RBFOX1: variants seen among roughly 807,000 people sequenced by gnomAD.
RBFOX1 encodes the protein RNA binding protein fox-1 homolog 1.
RBFOX1 carries 8 observed loss-of-function variants against 57.7 expected under a neutral mutation model. That is an observed-to-expected ratio of 0.14 (90% confidence interval 0.08 to 0.25). The LOEUF (loss-of-function observed/expected upper bound fraction) is 0.25. Among genes scored for constraint, RBFOX1 ranks in the 10% least tolerant of loss-of-function variants. The pLI is 1.00. For synonymous variants in RBFOX1, 326 were observed against 222.4 expected, an observed-to-expected ratio of 1.47 and a Z score of -4.15; for missense variants, 611 against 548.5, an observed-to-expected ratio of 1.11 and a Z score of -1.14.
rs990803048 is a variant in RBFOX1, at chr16:6,768,161, C to T, written c.-16+113511C>T. On this transcript the variant is annotated intron_variant, in intron 3 of 15. Transcript: ENST00000550418. The stretch of plus-strand genomic sequence containing the variant: ...GCAGTGAGCAGAGATTGTAACACTG[C>T]ACTTCAGCCTGGGCAATAGAGCTAG... Among the ~76,000 whole-genome samples the T allele has an allele frequency of 3.9e-5, 6 of 152,022 alleles. No homozygotes were observed. In the South Asian group the frequency reaches 1.0e-3, roughly 26 times the overall value.
At chr16:6,549,655 C>T (rs1003762618) in intron 2 of RBFOX1, among the ~76,000 whole-genome samples, 1 of 151,942 alleles carries the variant, frequency 6.6e-6, no homozygotes, top group African/African-American at 2.4e-5. Context: ...AGTCATGTGC[C>T]TACTTCTGAG....
At chr16:6,780,954 C>G (rs1299835599) in intron 3 of RBFOX1, among the ~76,000 whole-genome samples, 3 of 152,174 alleles carry the variant, frequency 2.0e-5, no homozygotes, top group Middle Eastern at 3.4e-3. Context: ...TGTCTTATCA[C>G]TTGTTTGTGG....
At chr16:7,190,905 G>A (rs559457490) in intron 4 of RBFOX1, among the ~76,000 whole-genome samples, 1 of 152,234 alleles carries the variant, frequency 6.6e-6, no homozygotes, top group South Asian at 2.1e-4. Context: ...AATCATGAAG[G>A]AAGCATATTT....
intron 4 of RBFOX1, among the ~76,000 whole-genome samples, chr16:7,302,800 C>T (rs560182587): frequency 2.1e-5 from 3 of 145,616 alleles, no homozygotes; most frequent in South Asian, 2.1e-4. Context: ...TATTTTCTTT[C>T]GATTTGCAGA....
intron 3 of RBFOX1, among the ~76,000 whole-genome samples, chr16:6,668,975 GTTAA>G (rs2098748607): frequency 6.6e-6 from 1 of 152,152 alleles, no homozygotes; most frequent in South Asian, 2.1e-4. Flanking sequence ...TGGAGTGAAC[GTTAA>G]TTAATTTTTC....
chr16:6,450,806 T>TACAC (rs1309157466), intron 2 of RBFOX1, among the ~76,000 whole-genome samples: 3 of 17,264 alleles, frequency 1.7e-4, no homozygotes, highest in African/African-American at 1.2e-3. Context: ...TATATGTATA[T>TACAC]ATATATATAT....
chr16:7,004,132 G>C (rs561315679), intron 3 of RBFOX1: 7 of 151,478 alleles, frequency 4.6e-5, no homozygotes, highest in East Asian at 1.9e-4. Context: ...GTTTTGTTTT[G>C]TACTTAATAG....
chr16:6,468,337 C>T (rs1457503999), intron 2 of RBFOX1, among the ~76,000 whole-genome samples: 1 of 152,170 alleles, frequency 6.6e-6, no homozygotes, highest in Non-Finnish European at 1.5e-5. Context: ...CATCATAGAA[C>T]TTTAAGCTTG....
chr16:6,189,688 C>G (rs567824303), intron 1 of RBFOX1, among the ~76,000 whole-genome samples: 10 of 152,182 alleles, frequency 6.6e-5, no homozygotes, highest in Non-Finnish European at 1.5e-4. Context: ...TGTTGTCTCT[C>G]TCCAGTTGTG....
At chr16:5,346,133 A>G (rs1388146856) in intron 1 of RBFOX1, among the ~76,000 whole-genome samples, 2 of 152,028 alleles carry the variant, frequency 1.3e-5, no homozygotes, top group African/African-American at 4.8e-5. Flanking sequence ...AGCCTGCATC[A>G]CCTCCGTGGA....
At chr16:6,676,914 G>A (rs1163806428) in intron 3 of RBFOX1, among the ~76,000 whole-genome samples, 1 of 151,834 alleles carries the variant, frequency 6.6e-6, no homozygotes, top group African/African-American at 2.4e-5. Context: ...GACCTCAGGT[G>A]ATCTGCCCAC....
chr16:7,313,243 T>C (rs1163688516), intron 4 of RBFOX1, among the ~76,000 whole-genome samples: 1 of 152,222 alleles, frequency 6.6e-6, no homozygotes, highest in Non-Finnish European at 1.5e-5. Context: ...TATAAAACTA[T>C]GCAATTTTTT....
intron 4 of RBFOX1, among the ~76,000 whole-genome samples, chr16:7,073,534 G>A (rs1393414973): frequency 2.6e-5 from 4 of 152,054 alleles, no homozygotes; most frequent in South Asian, 2.1e-4. Context: ...ATGTCCAATG[G>A]TAAATGTCCA....
Position 5,674,177 on chromosome 16 carries a change from A to G in RBFOX1, c.318+75216A>G, listed in dbSNP as rs567601321. Among the ~76,000 whole-genome samples the G allele has an allele frequency of 4.6e-5, 7 of 152,362 alleles. No homozygotes were observed. In the South Asian group the frequency reaches 1.4e-3, roughly 32 times the overall value. On this transcript the variant is annotated intron_variant, in intron 3 of 19. Coordinates refer to the RBFOX1 transcript ENST00000641259. ...GGTCTAGAAGTGGGGCATGTAATTA[A>G]GAAGAAATTACAGGTATACCAAATG...
At chr16:5,633,401 A>G (rs1289011896) in intron 3 of RBFOX1, among the ~76,000 whole-genome samples, 1 of 152,166 alleles carries the variant, frequency 6.6e-6, no homozygotes, top group East Asian at 1.9e-4. Flanking sequence ...CATTACATGG[A>G]TGAGCTCTTT....
intron 1 of RBFOX1, among the ~76,000 whole-genome samples, chr16:6,250,750 G>C (rs1310259337): frequency 6.6e-6 from 1 of 152,160 alleles, no homozygotes; most frequent in Non-Finnish European, 1.5e-5. Context: ...TTCCCAGCTT[G>C]AATCAGGCCT....
At chr16:6,119,551 T>A (rs934556574) in intron 1 of RBFOX1, among the ~76,000 whole-genome samples, 9 of 152,248 alleles carry the variant, frequency 5.9e-5, no homozygotes, top group Non-Finnish European at 7.3e-5. Context: ...GCCCTGTACA[T>A]GTATTCATTG....
At chr16:7,241,984 C>T (rs2094088616) in intron 4 of RBFOX1, among the ~76,000 whole-genome samples, 1 of 151,826 alleles carries the variant, frequency 6.6e-6, no homozygotes, top group Non-Finnish European at 1.5e-5. Flanking sequence ...CAACTTTGGC[C>T]CTCTTGATAC....
intron 4 of RBFOX1, among the ~76,000 whole-genome samples, chr16:7,127,935 A>T (rs1954660530): frequency 6.6e-6 from 1 of 152,300 alleles, no homozygotes; most frequent in Non-Finnish European, 1.5e-5. Context: ...GAGGGAGTTC[A>T]TTGGCTTACA....
Sources: gnomAD v4.1 joint callset for allele counts (sites outside exome capture counted in the v4.1 genomes callset) on GRCh38, gnomAD v4.1.1 for gene constraint, MANE v1.5 for transcripts, NCBI Gene and HGNC (gene_info 2026-07-23, HGNC 2026-07-21) for gene names.